RP1L1: variants seen among roughly 807,000 people sequenced by gnomAD.
RP1L1 encodes the protein RP1 like 1.
Under a neutral mutation model 15.7 loss-of-function variants are expected in RP1L1, and 27 were observed. That is an observed-to-expected ratio of 1.72 (90% CI 1.27 to 2.38). The LOEUF (loss-of-function observed/expected upper bound fraction) is 2.38, where lower values mean the gene tolerates loss of function less well. Ranked by LOEUF, RP1L1 falls within the 30% of genes most tolerant of loss-of-function variation. RP1L1 has a pLI of 0.00. For missense variants in RP1L1, 4,798 were observed against 3,075.9 expected, an observed-to-expected ratio of 1.56 and a Z score of -13.24; for synonymous variants, 1,813 against 1,276.7, an observed-to-expected ratio of 1.42 and a Z score of -8.96.
chr8:10,608,265 C>T lies in RP1L1; in HGVS notation c.5833G>A (p.Glu1945Lys), dbSNP rs762859904. The T allele has an allele frequency of 6.3e-7, 1 of 1,596,678 alleles. No individual in the cohort carries two copies. The highest frequency in any genetic ancestry group is 1.3e-5 in the African/African-American group (1 of 74,426). The change falls in exon 4 of 4, where the codon GAG becomes AAG. Residue 1945 changes from glutamate to lysine, a missense_variant. Transcript: ENST00000382483. ...TGCCCTTCTGCCTCCTGGGCCGCCTCTTCTGCCTCTTGGGCCTCTGCACCT... is the reference window on the plus strand; with the variant it reads ...TGCCCTTCTGCCTCCTGGGCCGCCTTTTCTGCCTCTTGGGCCTCTGCACCT... The part of the protein sequence containing the change: ...SEGAEAQEAE[E>K]AAQEAEGQTQ...
intron 1 of RP1L1, among the ~76,000 whole-genome samples, chr8:10,626,942 G>C (rs1022002752): frequency 1.3e-5 from 2 of 152,162 alleles, no homozygotes; most frequent in Non-Finnish European, 2.9e-5. Flanking sequence ...AGAGACCACA[G>C]TGAGATGCCA....
chr8:10,624,672 G>T (rs866339688), intron 1 of RP1L1, among the ~76,000 whole-genome samples: 43 of 150,366 alleles, frequency 2.9e-4, no homozygotes, highest in African/African-American at 9.6e-4. Context: ...GGAGAAGGTC[G>T]GAGGCTTCTT....
At chr8:10,647,024 G>A (rs1413101916) in intron 1 of RP1L1, among the ~76,000 whole-genome samples, 1 of 152,188 alleles carries the variant, frequency 6.6e-6, no homozygotes, top group East Asian at 1.9e-4. Flanking sequence ...GACCAGCAGA[G>A]ATCCACGAGG....
At chr8:10,621,764 C>A (rs368905054) in intron 2 of RP1L1, 2 of 507,480 alleles carry the variant, frequency 3.9e-6, no homozygotes, top group Non-Finnish European at 7.9e-6. Context: ...ATTTCATGTC[C>A]GGCAGAACCT....
At chr8:10,642,304 A>G (rs532732493) in intron 1 of RP1L1, among the ~76,000 whole-genome samples, 1 of 152,322 alleles carries the variant, frequency 6.6e-6, no homozygotes, top group African/African-American at 2.4e-5. Context: ...CAATAGATGC[A>G]GTTAATAAAA....
chr8:10,613,117 G>C lies in RP1L1; in HGVS notation c.981C>G (p.Val327=). The part of the protein sequence containing the change: ...EDGSLSVEMK[V]RFHLVGEDTL... ...TGTCCTCGCCGACCAGGTGGAAGCG[G>C]ACTTTCATCTCCACGGACAGGCTGC... Residue 327 remains valine (V), a synonymous_variant, in exon 4 of 4, where the codon GTC becomes GTG. Transcript: ENST00000382483. 1 of 1,613,970 alleles carries C rather than the reference G, an allele frequency of 6.2e-7. No individual in the cohort carries two copies. The highest frequency in any genetic ancestry group is 8.5e-7 in the Non-Finnish European group (1 of 1,180,046).
rs771607403 is a variant in RP1L1 at position 10,609,444 on chromosome 8, G to A, written c.4654C>T (p.Leu1552=). The A allele has an allele frequency of 1.2e-6, 2 of 1,612,504 alleles. No homozygotes were observed. The highest frequency in any genetic ancestry group is 1.6e-4 in the Middle Eastern group (1 of 6,062). Residue 1552 remains leucine, a synonymous_variant, in exon 4 of 4, where the codon CTG becomes TTG. Transcript: ENST00000382483. ...AGCTCGGCCGCCATCTGGTCCAGCA[G>A]ATCATTGTCCTGCAGGCCCCAGCGT... is the stretch of plus-strand genomic sequence containing the variant. The part of the protein sequence containing the change: ...RARWGLQDND[L]LDQMAAELQQ...
chr8:10,617,075 G>A (rs757763277), intron 2 of RP1L1, among the ~76,000 whole-genome samples: 44 of 152,176 alleles, frequency 2.9e-4, no homozygotes, highest in Non-Finnish European at 4.9e-4. Flanking sequence ...CCAAGTGGAG[G>A]GGAGAGGGGC....
chr8:10,606,896 T>C lies in RP1L1; in HGVS notation c.7202A>G (p.Ter2401TrpextTer5). The C allele has an allele frequency of 6.2e-7, 1 of 1,614,210 alleles. No individual in the cohort carries two copies. The highest frequency in any genetic ancestry group is 8.5e-7 in the Non-Finnish European group (1 of 1,180,044). ...GATTGTTTTCTAGCTTGATCTTGTC[T>C]AGAAATCTAAGTCATCTTGGCCAAA... Reference protein sequence around the residue: ...DGFGQDDLDF* With the variant: ...DGFGQDDLDFW Residue 2401 changes from the stop codon to tryptophan, a stop_lost, in exon 4 of 4, where the codon TAG (stop) becomes TGG (tryptophan). Coordinates refer to ENST00000382483, the MANE Select transcript of RP1L1 (RefSeq NM_178857.6).
chr8:10,630,268 C>A (rs896242156), intron 1 of RP1L1, among the ~76,000 whole-genome samples: 1 of 152,214 alleles, frequency 6.6e-6, no homozygotes, highest in South Asian at 2.1e-4. Flanking sequence ...ACACCCCAGG[C>A]AGGAGGATGG....
chr8:10,616,227 C>G (rs929711408), intron 3 of RP1L1, among the ~76,000 whole-genome samples: 3 of 152,140 alleles, frequency 2.0e-5, no homozygotes, highest in Admixed American at 1.3e-4. Flanking sequence ...TTTTATATAC[C>G]AAGCACTGCC....
At chr8:10,635,634 A>G (rs1282667679) in intron 1 of RP1L1, among the ~76,000 whole-genome samples, 2 of 152,210 alleles carry the variant, frequency 1.3e-5, no homozygotes, top group Non-Finnish European at 1.5e-5. Context: ...CAGTGCCCAG[A>G]GCCTCCATTT....
At chr8:10,636,112 C>T (rs1297669102) in intron 1 of RP1L1, among the ~76,000 whole-genome samples, 1 of 152,232 alleles carries the variant, frequency 6.6e-6, no homozygotes, top group East Asian at 1.9e-4. Flanking sequence ...CTCTGGACTT[C>T]AGTTCCCTCA....
chr8:10,649,170 A>T (rs1472980879), intron 1 of RP1L1, among the ~76,000 whole-genome samples: 1 of 152,212 alleles, frequency 6.6e-6, no homozygotes, highest in Admixed American at 6.5e-5. Flanking sequence ...GAAGCGTGAG[A>T]TTCAAACAAC....
At position 10,613,224 on chromosome 8, in the gene RP1L1, GC is replaced by G; in HGVS notation, c.873del (p.Arg291SerfsTer19). ...SNPPVGPAPG[R>X]HPQDTPAQSG... ...GACTGAGCTGGCGTGTCCTGAGGGT[GC>G]CTGCCAGGAGCAGGGCCCACCGGGG... On this transcript the variant is annotated frameshift_variant, in exon 4 of 4. Coordinates refer to ENST00000382483, the MANE Select transcript of RP1L1 (RefSeq NM_178857.6). LOFTEE classifies it low-confidence loss of function (END_TRUNC). 1 of 1,613,218 alleles carries G rather than the reference GC, an allele frequency of 6.2e-7. No individual in the cohort carries two copies. The highest frequency in any genetic ancestry group is 8.5e-7 in the Non-Finnish European group (1 of 1,180,020).
intron 1 of RP1L1, among the ~76,000 whole-genome samples, chr8:10,646,457 T>C (rs1399891510): frequency 2.6e-5 from 4 of 152,044 alleles, no homozygotes; most frequent in Non-Finnish European, 1.5e-5. Context: ...GTCTTTAGGA[T>C]TTTGCCCGTT....
chr8:10,653,914 G>A (rs962566950), intron 1 of RP1L1, among the ~76,000 whole-genome samples: 1 of 152,172 alleles, frequency 6.6e-6, no homozygotes, highest in East Asian at 1.9e-4. Flanking sequence ...GTGCCCTCCC[G>A]CGACCTCCTC....
chr8:10,620,404 G>A (rs1016692500), intron 2 of RP1L1, among the ~76,000 whole-genome samples: 6 of 152,046 alleles, frequency 3.9e-5, no homozygotes, highest in East Asian at 3.9e-4. Flanking sequence ...TCAGGAGTTC[G>A]AGACCAGCCT....
In RP1L1 at chr8:10,612,981, G is replaced by C. The variant is rs765172783; in HGVS notation, c.1117C>G (p.Pro373Ala). 3.7e-6 allele frequency: 6 copies of C among 1,613,084 alleles called. No individual in the cohort carries two copies. The highest frequency in any genetic ancestry group is 2.7e-5 in the African/African-American group (2 of 74,920). Reference protein sequence around the residue: ...DPLCCVWEGYPWGFSEPGVWG... With the variant: ...DPLCCVWEGYAWGFSEPGVWG... ...ACCCCAGGCTCTGAGAAGCCCCAAGGGTAGCCCTCCCACACACAGCAGAGG... is the reference window on the plus strand; with the variant it reads ...ACCCCAGGCTCTGAGAAGCCCCAAGCGTAGCCCTCCCACACACAGCAGAGG... Residue 373 changes from proline (P) to alanine (A), a missense_variant, in exon 4 of 4, where the codon CCT becomes GCT. Transcript: ENST00000382483.
Sources: gnomAD v4.1 joint callset for allele counts (sites outside exome capture counted in the v4.1 genomes callset) on GRCh38, gnomAD v4.1.1 for gene constraint, MANE v1.5 for transcripts, NCBI Gene and HGNC (gene_info 2026-07-23, HGNC 2026-07-21) for gene names.